Variants in EPPK1 observed in about 807,000 individuals in gnomAD.
The protein encoded by EPPK1 is epiplakin.
For missense variants in EPPK1, 3,823 were observed against 3,673.3 expected (o/e 1.04, Z -1.05); for synonymous variants, 1,862 against 1,721.2 (o/e 1.08, Z -2.03).
rs782237967 is a variant in EPPK1, at chr8:143,868,046, G to T, written c.5208C>A (p.Asn1736Lys). 1.2e-6 allele frequency: 2 copies of T among 1,613,686 alleles called. No individual in the cohort carries two copies. Among genetic ancestry groups the T allele is most frequent in the Non-Finnish European group, 1.7e-6 (2 of 1,180,024 alleles). The change falls in exon 2 of 2, where the codon AAC becomes AAA. Residue 1736 changes from asparagine (N) to lysine (K), a missense_variant. Physicochemically the swap from Asn to Lys is moderately conservative, Grantham distance 94 (BLOSUM62 0). Coordinates refer to ENST00000615648, the MANE Select transcript of EPPK1 (RefSeq NM_031308.4). ...GCTCCAGAAGCTGCAGGTACGTGAG[G>T]TTCTCGTGCGTGTTGGGGTCGAAGA... ...KGFFDPNTHE[N>K]LTYLQLLERC...
At position 143,873,241 on chromosome 8, in the gene EPPK1, T is replaced by C; in HGVS notation, c.13A>G (p.Thr5Ala). The change falls in exon 2 of 2, where the codon ACC (threonine) becomes GCC (alanine). Residue 5 changes from threonine to alanine, a missense_variant. Coordinates refer to ENST00000615648, the MANE Select transcript of EPPK1 (RefSeq NM_031308.4). ...CCTGGGACGGGAAGAGGAGGCAAGG[T>C]GTGGCCACTCATCACACACGGCTGG... MSGH[T>A]LPPLPVPGTN... The C allele has an allele frequency of 6.4e-7, 1 of 1,564,066 alleles. No homozygotes were observed. The highest frequency in any genetic ancestry group is 8.6e-7 in the Non-Finnish European group (1 of 1,160,830).
In EPPK1 at chr8:143,866,371, C is replaced by T. The variant is rs1405947322; in HGVS notation, c.6883G>A (p.Glu2295Lys). 6.1e-5 allele frequency: 50 copies of T among 823,652 alleles called. No individual in the cohort carries two copies. Among genetic ancestry groups the T allele is most frequent in the South Asian group, 7.4e-5 (4 of 54,308 alleles). 51.0% of individuals were successfully genotyped at this position (823,652 alleles called of 1,614,324 possible). A position where few individuals can be genotyped will look rare whatever the true frequency, so the allele number is the denominator to read the frequency against. ...GCCGACAGCAGCTTCTCCTGGATCT[C>T]GCCGCCCACCACGCCCGCGGCCACG... ...EAVAAGVVGGEIQEKLLSAER... is the reference protein window; with the variant it reads ...EAVAAGVVGGKIQEKLLSAER... Residue 2295 changes from glutamate (E) to lysine (K), a missense_variant, in exon 2 of 2, where the codon GAG becomes AAG. By Grantham distance (56) the Glu-to-Lys change is moderately conservative. Coordinates refer to ENST00000615648, the MANE Select transcript of EPPK1 (RefSeq NM_031308.4).
In EPPK1 at chr8:143,867,280, C is replaced by T. The variant is rs199828972; in HGVS notation, c.5974G>A (p.Ala1992Thr). Residue 1992 changes from alanine (A) to threonine (T), a missense_variant, in exon 2 of 2, where the codon GCC (alanine) becomes ACC (threonine). By Grantham distance (58) the Ala-to-Thr change is moderately conservative. Coordinates refer to ENST00000615648, the MANE Select transcript of EPPK1 (RefSeq NM_031308.4). Reference protein sequence around the residue: ...ATGDTIPLFQAMQKQLIEKAE... With the variant: ...ATGDTIPLFQTMQKQLIEKAE... ...TTCTCGATGAGCTGCTTCTGCATGG[C>T]CTGGAACAGCGGGATCGTGTCTCCT... The T allele has an allele frequency of 3.1e-6, 5 of 1,612,212 alleles. No individual in the cohort carries two copies. Among genetic ancestry groups the T allele is most frequent in the East Asian group, 2.2e-5 (1 of 44,880 alleles).
Position 143,866,487 on chromosome 8 carries a change from G to C in EPPK1, c.6767C>G (p.Pro2256Arg). ...YQAMWKGVLR[P>R]GTALVLLEAQ... is the part of the protein sequence containing the mutation. Reference sequence around the variant, plus strand: ...CTCCAGCAGCACCAGGGCCGTGCCGGGCCGCAGCACGCCCTTCCACATGGC... The same window carrying C: ...CTCCAGCAGCACCAGGGCCGTGCCGCGCCGCAGCACGCCCTTCCACATGGC... The change falls in exon 2 of 2, where the codon CCC becomes CGC. Residue 2256 changes from proline (P) to arginine (R), a missense_variant. Transcript: ENST00000615648. 3.3e-6 allele frequency: 5 copies of C among 1,535,208 alleles called. No homozygotes were observed. Among genetic ancestry groups the C allele is most frequent in the Non-Finnish European group, 3.5e-6 (4 of 1,143,574 alleles).
In EPPK1 at chr8:143,871,609, G is replaced by T; in HGVS notation, c.1645C>A (p.Leu549Ile). The T allele has an allele frequency of 6.2e-7, 1 of 1,608,092 alleles. No individual in the cohort carries two copies. Residue 549 changes from leucine (L) to isoleucine (I), a missense_variant, in exon 2 of 2, where the codon CTC becomes ATC. Leu to Ile is a conservative substitution (Grantham distance 5, BLOSUM62 2). Transcript: ENST00000615648. ...CTGGCAGTGGCTGCAGCCTGCTCGA[G>T]GGTGGCGCTCAGCTTAGCGGCCAGC... is the stretch of plus-strand genomic sequence containing the variant. ...EKLAAKLSAT[L>I]EQAAATARVT... is the part of the protein sequence containing the mutation.
At position 143,867,018 on chromosome 8, in the gene EPPK1, C is replaced by T; in HGVS notation, c.6236G>A (p.Gly2079Asp). The change falls in exon 2 of 2, where the codon GGC (glycine) becomes GAC (aspartate). Residue 2079 changes from glycine (G) to aspartate (D), a missense_variant. By Grantham distance (94) the Gly-to-Asp change is moderately conservative. Coordinates refer to ENST00000615648, the MANE Select transcript of EPPK1 (RefSeq NM_031308.4). ...QERCRPQEDTGWLLFPVNKAA... is the reference protein window; with the variant it reads ...QERCRPQEDTDWLLFPVNKAA... ...CTTGTTCACTGGGAACAGCAGCCAG[C>T]CCGTGTCCTCTTGTGGGCGGCACCT... 1 of 1,612,874 alleles carries T rather than the reference C, an allele frequency of 6.2e-7. No homozygotes were observed. The highest frequency in any genetic ancestry group is 8.5e-7 in the Non-Finnish European group (1 of 1,179,872).
In EPPK1 at chr8:143,869,724, G is replaced by A. The variant is rs527960334; in HGVS notation, c.3530C>T (p.Ala1177Val). Residue 1177 changes from alanine (A) to valine (V), a missense_variant, in exon 2 of 2, where the codon GCC becomes GTC. By Grantham distance (64) the Ala-to-Val change is moderately conservative. Coordinates refer to ENST00000615648, the MANE Select transcript of EPPK1 (RefSeq NM_031308.4). ...CTCCTGTACCCACCTCTGCACAGAG[G>A]CTAGCAGCTGTGGCACAGTGGTCCT... ...EGRTTVPQLL[A>V]SVQRWVQETK... 4 of 1,598,896 alleles carry A rather than the reference G, an allele frequency of 2.5e-6. No individual in the cohort carries two copies. In the East Asian group the frequency reaches 9.1e-5, roughly 36 times the overall value.
rs782003091 is a variant in EPPK1 at position 143,868,390 on chromosome 8, T to G, written c.4864A>C (p.Lys1622Gln). The G allele has an allele frequency of 7.4e-6, 12 of 1,612,588 alleles. No individual in the cohort carries two copies. In the South Asian group the frequency reaches 9.9e-5, roughly 13 times the overall value. Residue 1622 changes from lysine (K) to glutamine (Q), a missense_variant, in exon 2 of 2, where the codon AAG becomes CAG. By Grantham distance (53) the Lys-to-Gln change is moderately conservative. Coordinates refer to ENST00000615648, the MANE Select transcript of EPPK1 (RefSeq NM_031308.4). ...GFIIDPVENR[K>Q]LTVEEAFKAG... ...TTGAACGCCTCCTCCACGGTCAGCT[T>G]CCGGTTCTCCACGGGGTCGATGATG...
rs782061260 is a variant in EPPK1, at chr8:143,868,598, CGTT to C, written c.4653_4655del (p.Thr1553del). The C allele has an allele frequency of 7.5e-6, 12 of 1,603,792 alleles. No homozygotes were observed. The African/African-American group carries it at 1.5e-4, about 20-fold the overall frequency. On this transcript the variant is annotated inframe_deletion, in exon 2 of 2. Coordinates refer to ENST00000615648, the MANE Select transcript of EPPK1 (RefSeq NM_031308.4). ...CCATCTCCGCCACCTCCTTCACAGT[CGTT>C]GTCCCCTGGCTCAGCTCGTCCAGCG...
chr8:143,867,755 C>T lies in EPPK1; in HGVS notation c.5499G>A (p.Thr1833=), dbSNP rs1017044924. ...TTTGCGTCTCTGTTTCTTCAATTGT[C>T]GTGGTGATGATTTCCAGCAATTTCT... ...GLEKLLEIIT[T]TIEETETQNQ... Residue 1833 remains threonine (T), a synonymous_variant, in exon 2 of 2, where the codon ACG becomes ACA. Transcript: ENST00000615648. The T allele has an allele frequency of 5.0e-6, 8 of 1,613,732 alleles. No homozygotes were observed. The highest frequency in any genetic ancestry group is 3.3e-5 in the South Asian group (3 of 91,066).
In EPPK1 at chr8:143,873,110, C is replaced by A. The variant is rs1459014230; in HGVS notation, c.144G>T (p.Val48=). The A allele has an allele frequency of 1.3e-6, 2 of 1,564,366 alleles. No homozygotes were observed. Among genetic ancestry groups the A allele is most frequent in the Admixed American group, 3.8e-5 (2 of 52,968 alleles). The change falls in exon 2 of 2, where the codon GTG becomes GTT. Residue 48 remains valine (V), a synonymous_variant. Coordinates refer to ENST00000615648, the MANE Select transcript of EPPK1 (RefSeq NM_031308.4). ...PQARSIAGVY[V]EASGQAQSVY... is the part of the protein sequence containing the mutation. ...CACTCTGGGCCTGGCCCGAGGCCTC[C>A]ACATACACCCCAGCTATGCTCCTGG...
In EPPK1 at chr8:143,867,140, C is replaced by G. The variant is rs781835809; in HGVS notation, c.6114G>C (p.Lys2038Asn). 7 of 1,612,756 alleles carry G rather than the reference C, an allele frequency of 4.3e-6. No homozygotes were observed. The highest frequency in any genetic ancestry group is 5.1e-6 in the Non-Finnish European group (6 of 1,179,698). The change falls in exon 2 of 2, where the codon AAG (lysine) becomes AAC (asparagine). Residue 2038 changes from lysine (K) to asparagine (N), a missense_variant. Coordinates refer to ENST00000615648, the MANE Select transcript of EPPK1 (RefSeq NM_031308.4). ...ETAYRRGCLH[K>N]DIYALISDQK... is the part of the protein sequence containing the mutation. ...GGTCGGAAATGAGCGCATAGATGTC[C>G]TTGTGCAGACAGCCCCGTCTGTAGG...
At chr8:143,878,349 A>AGCCCGCACCCGCACCCGCCGCACCT (rs1554662574) in intron 1 of EPPK1, 89 bp downstream of exon 1, 1 of 71,078 alleles carries the variant, frequency 1.4e-5, no homozygotes, top group African/African-American at 1.0e-4. Flanking sequence ...CCCGGCCCCG[A>AGCCCGCACCCGCACCCGCCGCACCT]GCCCGCACCC....
chr8:143,859,352 C>G lies in EPPK1; in HGVS notation c.13902G>C (p.Gln4634His). Residue 4634 changes from glutamine (Q) to histidine (H), a missense_variant, in exon 2 of 2, where the codon CAG becomes CAC. Transcript: ENST00000615648. ...LTSLLAQAQAQARAEAEAEAG... is the reference protein window; with the variant it reads ...LTSLLAQAQAHARAEAEAEAG... ...CCTCGGCCTCGGCCTCGGCCCGGGC[C>G]TGGGCCTGGGCCTGGGCCAGCAGCG... 1 of 281,914 alleles carries G rather than the reference C, an allele frequency of 3.5e-6. No homozygotes were observed. Among genetic ancestry groups the G allele is most frequent in the Non-Finnish European group, 6.3e-6 (1 of 159,920 alleles). 17.5% of individuals were successfully genotyped at this position (281,914 alleles called of 1,614,324 possible). A position where few individuals can be genotyped will look rare whatever the true frequency, so the allele number is the denominator to read the frequency against.
chr8:143,870,473 G>A lies in EPPK1; in HGVS notation c.2781C>T (p.Cys927=), dbSNP rs781847412. The A allele has an allele frequency of 1.1e-5, 17 of 1,603,562 alleles. No homozygotes were observed. Among genetic ancestry groups the A allele is most frequent in the South Asian group, 2.2e-5 (2 of 90,512 alleles). The part of the protein sequence containing the change: ...LLMDGVRRYL[C]GLGAVGGVRL... ...GCACACCGCCCACAGCTCCCAGGCCGCACAGGTACCTGCGGACGCCGTCCA... is the reference window on the plus strand; with the variant it reads ...GCACACCGCCCACAGCTCCCAGGCCACACAGGTACCTGCGGACGCCGTCCA... Residue 927 remains cysteine (C), a synonymous_variant, in exon 2 of 2, where the codon TGC becomes TGT. Coordinates refer to ENST00000615648, the MANE Select transcript of EPPK1 (RefSeq NM_031308.4). This position sits in a 1 kb window ranked among gnomAD's most constrained non-coding sequence, Gnocchi z 5.2.
rs1554659157 is a variant in EPPK1, at chr8:143,866,743, G to A, written c.6511C>T (p.His2171Tyr). ...LIEKQETSNK[H>Y]LWFQGIRRQI... ...CGTCTAATTCCTTGGAACCACAGGT[G>A]TTTGTTGCTGGTTTCCTGCTTCTCG... Residue 2171 changes from histidine to tyrosine, a missense_variant, in exon 2 of 2, where the codon CAC becomes TAC. By Grantham distance (83) the His-to-Tyr change is moderately conservative. Coordinates refer to ENST00000615648, the MANE Select transcript of EPPK1 (RefSeq NM_031308.4). 1.9e-6 allele frequency: 3 copies of A among 1,613,490 alleles called. No homozygotes were observed. Among genetic ancestry groups the A allele is most frequent in the Admixed American group, 1.7e-5 (1 of 60,030 alleles).
chr8:143,871,220 G>C lies in EPPK1; in HGVS notation c.2034C>G (p.Phe678Leu). 2 of 1,613,202 alleles carry C rather than the reference G, an allele frequency of 1.2e-6. No homozygotes were observed. The highest frequency in any genetic ancestry group is 1.7e-6 in the Non-Finnish European group (2 of 1,180,014). Residue 678 changes from phenylalanine to leucine, a missense_variant, in exon 2 of 2, where the codon TTC becomes TTG. By Grantham distance (22) the Phe-to-Leu change is conservative. Coordinates refer to ENST00000615648, the MANE Select transcript of EPPK1 (RefSeq NM_031308.4). ...LRAAVIGPDVFAKLLSAERAV... is the reference protein window; with the variant it reads ...LRAAVIGPDVLAKLLSAERAV... The stretch of plus-strand genomic sequence containing the variant: ...CGCGCTCAGCCGACAGCAGCTTCGC[G>C]AACACATCAGGCCCAATGACAGCAG...
chr8:143,867,294 ATCGTG>A lies in EPPK1; in HGVS notation c.5955_5959del (p.Thr1986ProfsTer110). On this transcript the variant is annotated frameshift_variant, in exon 2 of 2. Transcript: ENST00000615648. LOFTEE classifies it low-confidence loss of function (END_TRUNC). ...CTTCTGCATGGCCTGGAACAGCGGG[ATCGTG>A]TCTCCTGTGGCCGGATCCCTGTAGC... is the stretch of plus-strand genomic sequence containing the variant. 1 of 1,612,248 alleles carries A rather than the reference ATCGTG, an allele frequency of 6.2e-7. No homozygotes were observed. Among genetic ancestry groups the A allele is most frequent in the Non-Finnish European group, 8.5e-7 (1 of 1,179,600 alleles).
At chr8:143,873,341 TG>T (rs1819419736) in intron 1 of EPPK1, 43 bp from the exon 2 acceptor site, 1 of 1,365,240 alleles carries the variant, frequency 7.3e-7, no homozygotes, top group African/African-American at 1.5e-5. Flanking sequence ...CCGCATGGCC[TG>T]GTGGGCACGA....
Sources: gnomAD v4.1 joint callset for allele counts on GRCh38, gnomAD v4.1.1 for gene constraint, Gnocchi (gnomAD v3.1) non-coding constraint, MANE v1.5 for transcripts, NCBI Gene and HGNC (gene_info 2026-07-23, HGNC 2026-07-21) for gene names.